Variants in KLHL8 observed in about 807,000 individuals in gnomAD.
The protein encoded by KLHL8 is kelch like family member 8, also known as kelch-like protein 8.
A neutral mutation model predicts 63.5 loss-of-function variants in KLHL8; 38 were observed. The ratio of observed to expected loss-of-function variants is 0.60; its 90% CI spans 0.46 to 0.78. The LOEUF (loss-of-function observed/expected upper bound fraction) is 0.78, where lower values mean the gene tolerates loss of function less well. KLHL8 is among the 30% of genes least tolerant of loss of function. The pLI, the probability that KLHL8 is intolerant of heterozygous loss-of-function variation, is 0.00. For missense variants in KLHL8, 566 were observed against 752.4 expected (o/e 0.75, Z 2.90); for synonymous variants, 224 against 254.3 (o/e 0.88, Z 1.13).
chr4:87,176,596 A>G (rs1318996001), intron 6 of KLHL8, among the ~76,000 whole-genome samples, 161 bp downstream of exon 6: 1 of 152,250 alleles, frequency 6.6e-6, no homozygotes, highest in Non-Finnish European at 1.5e-5. Flanking sequence ...AAAAAAAATA[A>G]AAGGTGTTAA....
At chr4:87,194,029 A>C (rs567597866) in intron 2 of KLHL8, among the ~76,000 whole-genome samples, 1 of 152,288 alleles carries the variant, frequency 6.6e-6, no homozygotes, top group African/African-American at 2.4e-5. Flanking sequence ...CGCCATTATT[A>C]TTTTTCTCTT....
At position 87,183,390 on chromosome 4, in the gene KLHL8, C is replaced by T. The variant is rs1405472045; in HGVS notation, c.766-1G>A. 6.3e-7 allele frequency: 1 copy of T among 1,598,794 alleles called. No homozygotes were observed. The highest frequency in any genetic ancestry group is 1.3e-5 in the African/African-American group (1 of 74,606). On this transcript the variant is annotated splice_acceptor_variant, in intron 3 of 9. Transcript: ENST00000273963. LOFTEE classifies it high-confidence loss of function. ...CAACCGGCAACAATGGCAGGCGAAC[C>T]TAAGATCATGAATAGTTGCAATACA...
At chr4:87,196,424 T>C (rs1731703885) in intron 1 of KLHL8, among the ~76,000 whole-genome samples, 1 of 152,140 alleles carries the variant, frequency 6.6e-6, no homozygotes, top group East Asian at 1.9e-4. Flanking sequence ...CATCCTAGAT[T>C]CTGAAGTCAG....
At chr4:87,175,554 A>T (rs1428722240) in intron 6 of KLHL8, among the ~76,000 whole-genome samples, 1 of 152,154 alleles carries the variant, frequency 6.6e-6, no homozygotes, top group Non-Finnish European at 1.5e-5. Flanking sequence ...TCTAGAGTAT[A>T]TGTGGTCTAC....
At chr4:87,222,399 G>A (rs750982715), upstream of KLHL8, among the ~76,000 whole-genome samples, 56 of 151,888 alleles carry the variant, frequency 3.7e-4, no homozygotes, top group Non-Finnish European at 5.3e-4. Context: ...TGAGTCATTG[G>A]GTAATCATTC....
intron 4 of KLHL8, among the ~76,000 whole-genome samples, chr4:87,182,393 C>A (rs1166236192): frequency 6.6e-6 from 1 of 151,946 alleles, no homozygotes; most frequent in African/African-American, 2.4e-5. Flanking sequence ...TCATTCTACT[C>A]ATAATCAGGT....
intron 1 of KLHL8, among the ~76,000 whole-genome samples, chr4:87,236,163 T>C (rs965018017): frequency 6.6e-6 from 1 of 152,124 alleles, no homozygotes; most frequent in African/African-American, 2.4e-5. Flanking sequence ...TTAAAATATC[T>C]GCCTTATACC....
chr4:87,222,960 A>T (rs28488787), upstream of KLHL8, among the ~76,000 whole-genome samples: 38,275 of 151,546 alleles, frequency 0.25, 5,317 homozygotes, highest in Non-Finnish European at 0.31. Flanking sequence ...TATTTTATTT[A>T]TTTTATTTTA....
At chr4:87,234,172 G>A (rs1235651922) in intron 1 of KLHL8, among the ~76,000 whole-genome samples, 3 of 152,218 alleles carry the variant, frequency 2.0e-5, no homozygotes, top group Non-Finnish European at 4.4e-5. Context: ...GGGTGTGGTG[G>A]CTCACGCCTG....
At chr4:87,206,226 C>T (rs1732127181) in intron 1 of KLHL8, among the ~76,000 whole-genome samples, 1 of 152,170 alleles carries the variant, frequency 6.6e-6, no homozygotes, top group African/African-American at 2.4e-5. Context: ...ACATACTAAC[C>T]TGGATTGTAG....
intron 6 of KLHL8, among the ~76,000 whole-genome samples, chr4:87,171,056 C>A (rs1730615414): frequency 6.6e-6 from 1 of 152,008 alleles, no homozygotes; most frequent in East Asian, 1.9e-4. Context: ...TTATACCACA[C>A]AAAAGAGTAT....
At chr4:87,189,856 C>G (rs576808732) in intron 2 of KLHL8, among the ~76,000 whole-genome samples, 1 of 151,036 alleles carries the variant, frequency 6.6e-6, no homozygotes, top group Non-Finnish European at 1.5e-5. Flanking sequence ...GGTGAAACCC[C>G]GTCTATACTG....
At chr4:87,176,403 A>G (rs1431819620) in intron 6 of KLHL8, among the ~76,000 whole-genome samples, 1 of 152,232 alleles carries the variant, frequency 6.6e-6, no homozygotes, top group Non-Finnish European at 1.5e-5. Context: ...TGTCCCATAG[A>G]GGGGACAAAA....
intron 1 of KLHL8, among the ~76,000 whole-genome samples, chr4:87,227,311 G>A (rs1733050069): frequency 6.6e-6 from 1 of 151,968 alleles, no homozygotes; most frequent in African/African-American, 2.4e-5. Context: ...GGAAGCGATG[G>A]CTTGAGTTTT....
In KLHL8 at chr4:87,161,636, A is replaced by T. The variant is rs1470032842; in HGVS notation, c.*1883T>A. The T allele has an allele frequency of 6.6e-6, 1 of 152,138 alleles. No homozygotes were observed. The highest frequency in any genetic ancestry group is 1.9e-4 in the East Asian group (1 of 5,204). The allele number at this position is 152,138 out of a possible 1,614,324, so 9.4% of individuals were successfully genotyped here. ...AACAAACATATTAGTAACCATAGCT[A>T]AACAAACACTGTAATATAAGAACTC... On this transcript the variant is annotated 3_prime_UTR_variant, in exon 10 of 10. Coordinates refer to ENST00000273963, the MANE Select transcript of KLHL8 (RefSeq NM_020803.5).
At chr4:87,202,041 C>T (rs1224366384) in intron 1 of KLHL8, among the ~76,000 whole-genome samples, 1 of 149,790 alleles carries the variant, frequency 6.7e-6, no homozygotes, top group African/African-American at 2.5e-5. Context: ...AATCGGGAGG[C>T]GGAGCTTGCA....
At chr4:87,235,634 T>C (rs563489536) in intron 1 of KLHL8, among the ~76,000 whole-genome samples, 1 of 152,346 alleles carries the variant, frequency 6.6e-6, no homozygotes, top group East Asian at 1.9e-4. Context: ...ATAATTGTTA[T>C]CATTTAATCG....
Position 87,183,243 on chromosome 4 carries a change from A to G in KLHL8, c.912T>C (p.Phe304=). The G allele has an allele frequency of 6.2e-7, 1 of 1,612,038 alleles. No individual in the cohort carries two copies. The highest frequency in any genetic ancestry group is 8.5e-7 in the Non-Finnish European group (1 of 1,178,740). The change falls in exon 4 of 10, where the codon TTT becomes TTC. Residue 304 remains phenylalanine (F), a synonymous_variant. Transcript: ENST00000273963. ...LHLSSRAVPD[F]EYSIRTTPRK... ...TTGGGGTAGTCCGAATGGAGTATTCAAAGTCAGGTACTGCTCTGCTACTCA... is the reference window on the plus strand; with the variant it reads ...TTGGGGTAGTCCGAATGGAGTATTCGAAGTCAGGTACTGCTCTGCTACTCA...
chr4:87,172,920 A>G (rs1730687917), intron 6 of KLHL8, among the ~76,000 whole-genome samples: 2 of 152,340 alleles, frequency 1.3e-5, no homozygotes, highest in South Asian at 2.1e-4. Flanking sequence ...TATAAAATGT[A>G]TATTTACTAT....
Sources: allele counts gnomAD v4.1 joint callset (sites outside exome capture counted in the v4.1 genomes callset), GRCh38; gene constraint gnomAD v4.1.1; transcripts MANE v1.5; gene names NCBI Gene and HGNC (gene_info 2026-07-23, HGNC 2026-07-21).